Variants in NKIRAS1 observed in about 807,000 individuals in gnomAD.
NKIRAS1 encodes the protein NFKB inhibitor interacting Ras like 1.
NKIRAS1 carries 16 observed loss-of-function variants against 19.8 expected under a neutral mutation model. That is an observed-to-expected ratio of 0.81 (90% CI 0.55 to 1.23). The LOEUF (loss-of-function observed/expected upper bound fraction) is 1.23, where lower values mean the gene tolerates loss of function less well. Among genes scored for constraint, NKIRAS1 ranks in the 50% most tolerant of loss-of-function variants. The probability of loss-of-function intolerance (pLI) is 0.00; values close to 1 mark genes in which losing one functional copy is unlikely to be tolerated. For synonymous variants in NKIRAS1, 88 were observed against 79.0 expected (o/e 1.11, Z -0.61); for missense variants, 184 against 220.0 (o/e 0.84, Z 1.04).
Position 23,924,166 on chromosome 3 carries a change from TG to T in NKIRAS1, c.-139-12717del, listed in dbSNP as rs561788954. On this transcript the variant is annotated intron_variant, in intron 1 of 4. Coordinates refer to the NKIRAS1 transcript ENST00000421515. ...GACAGCATGAGTGGTAAGATTTTAT[TG>T]TGTCAAACGACTGCATTAGTTGTGT... The T allele has an allele frequency of 5.3e-5, 8 of 152,376 alleles. No individual in the cohort carries two copies. In the East Asian group the frequency reaches 1.3e-3, roughly 26 times the overall value. 9.4% of individuals were successfully genotyped at this position (152,376 alleles called of 1,614,324 possible). A position where few individuals can be genotyped will look rare whatever the true frequency, so the allele number is the denominator to read the frequency against.
At chr3:23,899,814 TTTC>T (rs2125373916) in intron 4 of NKIRAS1, among the ~76,000 whole-genome samples, 1 of 152,270 alleles carries the variant, frequency 6.6e-6, no homozygotes, top group South Asian at 2.1e-4. Flanking sequence ...AATTATTAGG[TTTC>T]TTTTTTTGGT....
chr3:23,917,699 G>A, upstream of NKIRAS1: 2 of 719,962 alleles, frequency 2.8e-6, no homozygotes, highest in Non-Finnish European at 4.5e-6. Context: ...CGCAGTGGTG[G>A]GGGTTGGGCT....
At chr3:23,893,468 G>A in intron 4 of NKIRAS1, 131 bp from the exon 5 acceptor site, 1 of 764,470 alleles carries the variant, frequency 1.3e-6, no homozygotes. Context: ...AAGTGTGACT[G>A]GATATTAGGA....
At chr3:23,934,092 A>T (rs1045300486) in intron 1 of NKIRAS1, among the ~76,000 whole-genome samples, 4 of 152,216 alleles carry the variant, frequency 2.6e-5, no homozygotes, top group Middle Eastern at 3.2e-3. Flanking sequence ...GACCATAGCA[A>T]GAGGTTTCTA....
chr3:23,901,481 G>A (rs1423900815), intron 3 of NKIRAS1, among the ~76,000 whole-genome samples: 2 of 152,052 alleles, frequency 1.3e-5, no homozygotes, highest in Non-Finnish European at 2.9e-5. Flanking sequence ...ACTGCACCTG[G>A]CGTAAACAAA....
intron 1 of NKIRAS1, among the ~76,000 whole-genome samples, chr3:23,934,202 C>T (rs1018205432): frequency 3.7e-4 from 57 of 152,174 alleles, no homozygotes; most frequent in Non-Finnish European, 7.3e-5. Flanking sequence ...TTCATTCCTC[C>T]CTTCCTTTGT....
chr3:23,913,776 C>T (rs1704013325), intron 1 of NKIRAS1, among the ~76,000 whole-genome samples: 1 of 152,184 alleles, frequency 6.6e-6, no homozygotes, highest in South Asian at 2.1e-4. Flanking sequence ...CCTGAATGGG[C>T]ACTGAATCAC....
At position 23,926,050 on chromosome 3, in the gene NKIRAS1, A is replaced by C. The variant is rs1269209231; in HGVS notation, c.-139-14600T>G. 6.6e-6 allele frequency among the ~76,000 whole-genome samples: 1 copy of C among 151,984 alleles called. No individual in the cohort carries two copies. The highest frequency in any genetic ancestry group is 1.5e-5 in the Non-Finnish European group (1 of 68,000). On this transcript the variant is annotated intron_variant, in intron 1 of 4. Coordinates refer to the NKIRAS1 transcript ENST00000421515. This position sits in a 1 kb window ranked among gnomAD's most constrained non-coding sequence, Gnocchi z 4.3. Reference sequence around the variant, plus strand: ...TGCCAATTTATTTATTTTTATTTTTATTTATTTATTTATTTTTTGAGACAG... The same window carrying C: ...TGCCAATTTATTTATTTTTATTTTTCTTTATTTATTTATTTTTTGAGACAG...
chr3:23,926,952 A>T lies in NKIRAS1; in HGVS notation c.-139-15502T>A, dbSNP rs1705223856. Among the ~76,000 whole-genome samples the T allele has an allele frequency of 6.6e-6, 1 of 152,176 alleles. No individual in the cohort carries two copies. Among genetic ancestry groups the T allele is most frequent in the East Asian group, 1.9e-4 (1 of 5,200 alleles). ...GGGGTGACATGCACCAACAAGCTAC[A>T]CTTTGACCATCAGCTGCCCCAAACA... On this transcript the variant is annotated intron_variant, in intron 1 of 4. Transcript: ENST00000421515. The surrounding 1 kb of genome is among the most constrained non-coding windows in gnomAD (Gnocchi z 4.3).
At chr3:23,917,813 A>G (rs781521103), upstream of NKIRAS1, 2 of 1,566,028 alleles carry the variant, frequency 1.3e-6, no homozygotes, top group Non-Finnish European at 8.7e-7. Context: ...ATTGTACTTA[A>G]AGCGGATGAT....
intron 1 of NKIRAS1, chr3:23,945,585 G>T: frequency 8.5e-7 from 1 of 1,171,392 alleles, no homozygotes. Context: ...CACCATGGAG[G>T]TGAATGCAGG....
chr3:23,903,191 G>A (rs1332161624), intron 3 of NKIRAS1, among the ~76,000 whole-genome samples: 2 of 152,236 alleles, frequency 1.3e-5, no homozygotes, highest in Non-Finnish European at 2.9e-5. Flanking sequence ...TCAGCTCATT[G>A]CAGCCTCAAC....
At chr3:23,900,169 A>C (rs913019785) in intron 4 of NKIRAS1, among the ~76,000 whole-genome samples, 6 of 151,946 alleles carry the variant, frequency 3.9e-5, no homozygotes, top group African/African-American at 7.2e-5. Context: ...CTCAAAAAAA[A>C]CAAAAACAAA....
chr3:23,907,041 G>A (rs902953742), intron 3 of NKIRAS1, among the ~76,000 whole-genome samples: 11 of 151,876 alleles, frequency 7.2e-5, no homozygotes, highest in Admixed American at 5.9e-4. Flanking sequence ...TTACAGGCAC[G>A]TGCCACCATG....
chr3:23,941,986 TA>T (rs111603982), intron 1 of NKIRAS1, among the ~76,000 whole-genome samples: 36,142 of 90,524 alleles, frequency 0.4, 4,370 homozygotes, highest in Middle Eastern at 0.48. Flanking sequence ...TTTATTTATT[TA>T]TTTATTTTTG....
chr3:23,920,395 G>A (rs183435722), upstream of NKIRAS1: 1 of 985,390 alleles, frequency 1.0e-6, no homozygotes, highest in East Asian at 1.1e-4. Context: ...CCAACCATAT[G>A]TGTTTTCTGC....
At position 23,890,735 on chromosome 3, in the gene NKIRAS1, T is replaced by C; in HGVS notation, c.*2360A>G. The C allele has an allele frequency of 1.3e-6, 1 of 782,614 alleles. No individual in the cohort carries two copies. The highest frequency in any genetic ancestry group is 1.8e-5 in the African/African-American group (1 of 55,638). 48.5% of individuals were successfully genotyped at this position (782,614 alleles called of 1,614,324 possible). A position where few individuals can be genotyped will look rare whatever the true frequency, so the allele number is the denominator to read the frequency against. The stretch of plus-strand genomic sequence containing the variant: ...TTCTATAACAGATATTATTCAGTCT[T>C]ATTTCCTAAGATTTTGTTGTAACTT... On this transcript the variant is annotated 3_prime_UTR_variant, in exon 5 of 5. Coordinates refer to ENST00000425478, the MANE Select transcript of NKIRAS1 (RefSeq NM_020345.4).
chr3:23,908,752 C>T (rs1023274919), intron 3 of NKIRAS1, among the ~76,000 whole-genome samples: 17 of 152,108 alleles, frequency 1.1e-4, no homozygotes, highest in African/African-American at 2.9e-4. Flanking sequence ...TCACTGCAGC[C>T]TCAACCTCCC....
chr3:23,940,418 G>A (rs918170398), intron 1 of NKIRAS1, among the ~76,000 whole-genome samples: 1 of 151,700 alleles, frequency 6.6e-6, no homozygotes, highest in Non-Finnish European at 1.5e-5. Flanking sequence ...AGTTTTGGTT[G>A]GGCTGTATTT....
Sources: allele counts gnomAD v4.1 joint callset (sites outside exome capture counted in the v4.1 genomes callset), GRCh38; gene constraint gnomAD v4.1.1; non-coding constraint Gnocchi (gnomAD v3.1); transcripts MANE v1.5; gene names NCBI Gene and HGNC (gene_info 2026-07-23, HGNC 2026-07-21).